Variants in MTMR4 observed in about 807,000 individuals in gnomAD.
MTMR4 encodes the protein phosphatidylinositol-3,5-bisphosphate 3-phosphatase MTMR4.
MTMR4 carries 30 observed loss-of-function variants against 125.5 expected under a neutral mutation model. The ratio of observed to expected loss-of-function variants is 0.24; its 90% CI spans 0.18 to 0.32. The LOEUF (loss-of-function observed/expected upper bound fraction) is 0.32. Ranked by LOEUF, MTMR4 falls within the 10% of genes least tolerant of loss-of-function variation. The pLI is 1.00. For missense variants in MTMR4, 1,039 were observed against 1,511.5 expected, an observed-to-expected ratio of 0.69 and a Z score of 5.18; for synonymous variants, 498 against 564.5, an observed-to-expected ratio of 0.88 and a Z score of 1.67.
Position 58,491,634 on chromosome 17 carries a change from C to A in MTMR4, c.*29G>T, listed in dbSNP as rs1466334582. On this transcript the variant is annotated 3_prime_UTR_variant, in exon 18 of 18. Transcript: ENST00000682306. ...GAAGAAGATCCTCCCTTCAAACCTG[C>A]TAAAATTGGACAGGTTTCTCCCCGG... 6.2e-7 allele frequency: 1 copy of A among 1,602,692 alleles called. No individual in the cohort carries two copies. The highest frequency in any genetic ancestry group is 8.5e-7 in the Non-Finnish European group (1 of 1,171,802).
chr17:58,508,924 G>A lies in MTMR4; in HGVS notation c.336-83C>T. ...TATCAGGGCCAAAAACACAGCCACAGGAAGGCTGTGAGGAGAGAAGGCTGC... is the reference window on the plus strand; with the variant it reads ...TATCAGGGCCAAAAACACAGCCACAAGAAGGCTGTGAGGAGAGAAGGCTGC... On this transcript the variant is annotated intron_variant, in intron 4 of 17. Coordinates refer to ENST00000682306, the MANE Select transcript of MTMR4 (RefSeq NM_001378067.1). This position sits in a 1 kb window ranked among gnomAD's most constrained non-coding sequence, Gnocchi z 4.8. 1 of 1,482,226 alleles carries A rather than the reference G, an allele frequency of 6.7e-7. No homozygotes were observed. The highest frequency in any genetic ancestry group is 9.2e-7 in the Non-Finnish European group (1 of 1,083,238). The allele number at this position is 1,482,226 out of a possible 1,614,324, so 91.8% of individuals were successfully genotyped here.
chr17:58,498,501 A>AAGG (rs1337661784), intron 14 of MTMR4, among the ~76,000 whole-genome samples: 8 of 126,850 alleles, frequency 6.3e-5, no homozygotes, highest in Non-Finnish European at 1.1e-4. Context: ...GAAGAAGAAG[A>AAGG]AGGAGGAGGA....
In MTMR4 at chr17:58,514,431, G is replaced by A. The variant is rs937223134; in HGVS notation, c.-24C>T. Reference sequence around the variant, plus strand: ...ATGGTCGCGGGCGGTCTGGGCCAGCGCACATGTCCCCGGAGCCGCTGCGCT... The same window carrying A: ...ATGGTCGCGGGCGGTCTGGGCCAGCACACATGTCCCCGGAGCCGCTGCGCT... On this transcript the variant is annotated 5_prime_UTR_variant, in exon 1 of 18. Transcript: ENST00000682306. The A allele has an allele frequency of 4.6e-4, 450 of 985,620 alleles. 1 individual carries two copies. The highest frequency in any genetic ancestry group is 5.1e-4 in the Non-Finnish European group (423 of 829,924). The allele number at this position is 985,620 out of a possible 1,614,324, so 61.1% of individuals were successfully genotyped here.
Position 58,508,815 on chromosome 17 carries a change from C to A in MTMR4, c.362G>T (p.Cys121Phe). Residue 121 changes from cysteine (C) to phenylalanine (F), a missense_variant, in exon 5 of 18, where the codon TGC becomes TTC. Physicochemically the swap from Cys to Phe is radical, Grantham distance 205 (BLOSUM62 -2). Coordinates refer to ENST00000682306, the MANE Select transcript of MTMR4 (RefSeq NM_001378067.1). This position sits in a 1 kb window ranked among gnomAD's most constrained non-coding sequence, Gnocchi z 4.8. Reference protein sequence around the residue: ...VRCHFSTFKQCQEWLSRLSRA... With the variant: ...VRCHFSTFKQFQEWLSRLSRA... ...GCTTAGCCGTGAGAGCCACTCTTGG[C>A]ACTGCTTAAAAGTGGAGAAGTGGCA... 6.2e-7 allele frequency: 1 copy of A among 1,614,094 alleles called. No homozygotes were observed. Among genetic ancestry groups the A allele is most frequent in the Non-Finnish European group, 8.5e-7 (1 of 1,179,984 alleles).
At position 58,508,502 on chromosome 17, in the gene MTMR4, C is replaced by T. The variant is rs369858669; in HGVS notation, c.559G>A (p.Val187Ile). 5.6e-6 allele frequency: 9 copies of T among 1,614,242 alleles called. No individual in the cohort carries two copies. The highest frequency in any genetic ancestry group is 7.6e-6 in the Non-Finnish European group (9 of 1,180,042). The change falls in exon 6 of 18, where the codon GTC (valine) becomes ATC (isoleucine). Residue 187 changes from valine (V) to isoleucine (I), a missense_variant. Physicochemically the swap from Val to Ile is conservative, Grantham distance 29. Around this residue, in one of 6 missense-constraint regions of MTMR4, gnomAD observed 202 missense variants for 311.9 expected, o/e 0.65. Transcript: ENST00000682306. The surrounding 1 kb of genome is among the most constrained non-coding windows in gnomAD (Gnocchi z 4.8). ...CTGTTGATGTGTGAGACTCTCCAGA[C>T]GTTCTGCAGGTCAAAGCCCATCCTT... Reference protein sequence around the residue: ...LARMGFDLQNVWRVSHINSNY... With the variant: ...LARMGFDLQNIWRVSHINSNY...
chr17:58,497,301 T>C (rs1292880069), intron 14 of MTMR4, among the ~76,000 whole-genome samples: 1 of 152,222 alleles, frequency 6.6e-6, no homozygotes, highest in Non-Finnish European at 1.5e-5. Flanking sequence ...GTTTTATACA[T>C]ACTTGATATA....
At chr17:58,506,995 G>A in intron 8 of MTMR4, 124 bp from the exon 9 acceptor site, 1 of 1,548,636 alleles carries the variant, frequency 6.5e-7, no homozygotes, top group Non-Finnish European at 8.8e-7. Context: ...CACAGCTTCT[G>A]ACAAGGCAGG....
intron 4 of MTMR4, 28 bp downstream of exon 4, chr17:58,511,401 G>C: frequency 1.9e-6 from 3 of 1,584,984 alleles, no homozygotes; most frequent in Non-Finnish European, 2.6e-6. Flanking sequence ...AGGGCCAGGG[G>C]ACCTGAGTGA....
intron 14 of MTMR4, among the ~76,000 whole-genome samples, chr17:58,497,805 A>T (rs1975512659): frequency 6.6e-6 from 1 of 152,108 alleles, no homozygotes; most frequent in Admixed American, 6.6e-5. Flanking sequence ...CCAGACAACC[A>T]GGGTCCACCC....
chr17:58,507,407 C>A, intron 7 of MTMR4, 88 bp from the exon 8 acceptor site: 2 of 1,207,100 alleles, frequency 1.7e-6, no homozygotes, highest in Non-Finnish European at 1.1e-6. Flanking sequence ...TCTCTAGAGC[C>A]AGCAGGGGCT....
chr17:58,507,098 G>A (rs752944490), intron 8 of MTMR4, 25 bp downstream of exon 8: 12 of 1,613,380 alleles, frequency 7.4e-6, no homozygotes, highest in Middle Eastern at 1.6e-4. Context: ...TGCTCCCTGG[G>A]GGGTTAGCAT....
At chr17:58,515,486 CT>C (rs1457517203), upstream of MTMR4, among the ~76,000 whole-genome samples, 1 of 152,196 alleles carries the variant, frequency 6.6e-6, no homozygotes, top group African/African-American at 2.4e-5. Flanking sequence ...TATTAAGCAT[CT>C]ACAATGAGCC....
intron 14 of MTMR4, among the ~76,000 whole-genome samples, chr17:58,500,729 C>T (rs1975598627): frequency 8.6e-6 from 1 of 116,650 alleles, no homozygotes; most frequent in South Asian, 2.8e-4. Flanking sequence ...CAACCGGTGA[C>T]AGAGCGAGAT....
rs1194617832 is a variant in MTMR4 at position 58,508,656 on chromosome 17, C to T, written c.496+25G>A. On this transcript the variant is annotated intron_variant, in intron 5 of 17. Coordinates refer to ENST00000682306, the MANE Select transcript of MTMR4 (RefSeq NM_001378067.1). The surrounding 1 kb of genome is among the most constrained non-coding windows in gnomAD (Gnocchi z 4.8). ...AGAACTAAGGGGTAAGAAGCAGCCT[C>T]CCAAAGAAAATAGACTGGCCTCACC... The T allele has an allele frequency of 6.2e-7, 1 of 1,613,390 alleles. No homozygotes were observed. Among genetic ancestry groups the T allele is most frequent in the African/African-American group, 1.3e-5 (1 of 74,918 alleles).
chr17:58,504,342 C>T lies in MTMR4; in HGVS notation c.1488G>A (p.Lys496=), dbSNP rs779750588. 1.9e-6 allele frequency: 3 copies of T among 1,614,110 alleles called. No individual in the cohort carries two copies. The highest frequency in any genetic ancestry group is 2.5e-6 in the Non-Finnish European group (3 of 1,180,022). Residue 496 remains lysine (K), a synonymous_variant, in exon 12 of 18, where the codon AAG becomes AAA. Coordinates refer to ENST00000682306, the MANE Select transcript of MTMR4 (RefSeq NM_001378067.1). The surrounding 1 kb of genome is among the most constrained non-coding windows in gnomAD (Gnocchi z 7.1). ...TAAATTCAAACAGGCAGGGGAACTG[C>T]TTAAGCAACTGATGAACAGAATCAA... ...QWLDSVHQLL[K]QFPCLFEFNE... is the part of the protein sequence containing the mutation.
At position 58,506,830 on chromosome 17, in the gene MTMR4, C is replaced by A. The variant is rs1006695348; in HGVS notation, c.946G>T (p.Ala316Ser). 1.9e-6 allele frequency: 3 copies of A among 1,613,608 alleles called. No individual in the cohort carries two copies. Among genetic ancestry groups the A allele is most frequent in the South Asian group, 2.2e-5 (2 of 91,036 alleles). ...TCCAGGATCAGCAGCTTTTGAGGAGCTGCTGTGCTCTCCACTCCAGAGCAC... is the reference window on the plus strand; with the variant it reads ...TCCAGGATCAGCAGCTTTTGAGGAGATGCTGTGCTCTCCACTCCAGAGCAC... Reference protein sequence around the residue: ...TACSGVESTAAPQKLLILDAR... With the variant: ...TACSGVESTASPQKLLILDAR... The change falls in exon 9 of 18, where the codon GCT (alanine) becomes TCT (serine). Residue 316 changes from alanine to serine, a missense_variant. Coordinates refer to ENST00000682306, the MANE Select transcript of MTMR4 (RefSeq NM_001378067.1).
At chr17:58,509,482 G>A (rs1282296367) in intron 4 of MTMR4, among the ~76,000 whole-genome samples, 3 of 148,726 alleles carry the variant, frequency 2.0e-5, no homozygotes, top group South Asian at 2.1e-4. Flanking sequence ...GTAGTGGCAC[G>A]ATCACAGCTC....
In MTMR4 at chr17:58,512,476, C is replaced by T; in HGVS notation, c.166G>A (p.Val56Ile). The stretch of plus-strand genomic sequence containing the variant: ...TCGGCTGCCCGGCCCAGGAACTCTA[C>T]TCCCTCACCCTGCAGCACTGTGAAG... ...VPFTVLQGEG[V>I]EFLGRAADAL... The change falls in exon 3 of 18, where the codon GTA (valine) becomes ATA (isoleucine). Residue 56 changes from valine to isoleucine, a missense_variant. Val to Ile is a conservative substitution (Grantham distance 29). Coordinates refer to ENST00000682306, the MANE Select transcript of MTMR4 (RefSeq NM_001378067.1). This position sits in a 1 kb window ranked among gnomAD's most constrained non-coding sequence, Gnocchi z 4.1. 6.2e-7 allele frequency: 1 copy of T among 1,614,186 alleles called. No homozygotes were observed. The highest frequency in any genetic ancestry group is 8.5e-7 in the Non-Finnish European group (1 of 1,180,034).
Position 58,495,368 on chromosome 17 carries a change from C to T in MTMR4, c.2816G>A (p.Arg939Gln), listed in dbSNP as rs759207591. 35 of 1,614,216 alleles carry T rather than the reference C, an allele frequency of 2.2e-5. No homozygotes were observed. In the South Asian group the frequency reaches 3.5e-4, roughly 16 times the overall value. ...ACAACAGCCATAGGAAAGCAGCCGCCGAGGGGTGGCCTCCCCACTTGGGAA... is the reference window on the plus strand; with the variant it reads ...ACAACAGCCATAGGAAAGCAGCCGCTGAGGGGTGGCCTCCCCACTTGGGAA... ...TSFPSGEATP[R>Q]RLLSYGCCSK... The change falls in exon 15 of 18, where the codon CGG becomes CAG. Residue 939 changes from arginine to glutamine, a missense_variant. Arg to Gln is a conservative substitution (Grantham distance 43). Transcript: ENST00000682306.
Sources: allele counts gnomAD v4.1 joint callset (sites outside exome capture counted in the v4.1 genomes callset), GRCh38; gene constraint gnomAD v4.1.1; regional missense constraint gnomAD v4.1.1; non-coding constraint Gnocchi (gnomAD v3.1); transcripts MANE v1.5; gene names NCBI Gene and HGNC (gene_info 2026-07-23, HGNC 2026-07-21).